NFATC3: variants seen among roughly 807,000 people sequenced by gnomAD.
NFATC3 encodes the protein nuclear factor of activated T cells 3, also known as nuclear factor of activated T-cells, cytoplasmic 3.
A neutral mutation model predicts 98.6 loss-of-function variants in NFATC3; 46 were observed. That is an observed-to-expected ratio of 0.47 (90% CI 0.37 to 0.60). The LOEUF is 0.60. NFATC3 is among the 20% of genes least tolerant of loss of function. The pLI, the probability that NFATC3 is intolerant of heterozygous loss-of-function variation, is 0.00. For synonymous variants in NFATC3, 512 were observed against 472.2 expected (o/e 1.08, Z -1.09); for missense variants, 1,256 against 1,295.5 (o/e 0.97, Z 0.47).
intron 9 of NFATC3, among the ~76,000 whole-genome samples, chr16:68,220,275 G>C (rs867575774): frequency 7.9e-5 from 12 of 152,158 alleles, no homozygotes; most frequent in African/African-American, 2.9e-4. Context: ...TGTAATCCCA[G>C]CATTTTGAGA....
At chr16:68,207,546 C>T (rs1204733854) in intron 9 of NFATC3, among the ~76,000 whole-genome samples, 6 of 152,180 alleles carry the variant, frequency 3.9e-5, no homozygotes, top group Admixed American at 6.5e-5. Context: ...TCACTGAAGT[C>T]TCTGCCTCCT....
At chr16:68,123,709 C>G (rs73612693) in intron 2 of NFATC3, among the ~76,000 whole-genome samples, 1,985 of 151,640 alleles carry the variant, frequency 0.013, 41 homozygotes, top group African/African-American at 0.045. Context: ...ACTAAGAAAA[C>G]TATTTGGGGG....
chr16:68,167,095 G>A lies in NFATC3; in HGVS notation c.1774+80G>A, dbSNP rs150528347. On this transcript the variant is annotated intron_variant, in intron 5 of 9. Coordinates refer to ENST00000346183, the MANE Select transcript of NFATC3 (RefSeq NM_173165.3). ...GTTTTACTTATAATGTAATGTATGC[G>A]TCTGAAGTGCAAACTGAGGCATACA... 6.0e-4 allele frequency: 847 copies of A among 1,417,430 alleles called. 6 individuals are homozygous for A. In the East Asian group the frequency reaches 0.015, roughly 25 times the overall value. 87.8% of individuals were successfully genotyped at this position (1,417,430 alleles called of 1,614,324 possible).
At chr16:68,167,849 T>TTTTTTTTTTTTTTTTTTTTTG (rs2039280290) in intron 5 of NFATC3, among the ~76,000 whole-genome samples, 1 of 126,980 alleles carries the variant, frequency 7.9e-6, no homozygotes, top group Non-Finnish European at 1.6e-5. Context: ...TTTTTTTTTT[T>TTTTTTTTTTTTTTTTTTTTTG]GAGACGGAGA....
intron 6 of NFATC3, among the ~76,000 whole-genome samples, chr16:68,178,182 T>C (rs1343593585): frequency 6.6e-6 from 1 of 152,220 alleles, no homozygotes; most frequent in Non-Finnish European, 1.5e-5. Flanking sequence ...TAACCTGAAA[T>C]TTAAAATACC....
intron 3 of NFATC3, among the ~76,000 whole-genome samples, chr16:68,154,531 A>G (rs1388952925): frequency 1.3e-5 from 2 of 152,168 alleles, no homozygotes; most frequent in Non-Finnish European, 2.9e-5. Context: ...AAGCTCCTGA[A>G]AGGGCAGGAA....
chr16:68,118,206 T>C (rs960314079), intron 1 of NFATC3, among the ~76,000 whole-genome samples: 1 of 152,206 alleles, frequency 6.6e-6, no homozygotes, highest in Non-Finnish European at 1.5e-5. Context: ...AGGTTTTAGC[T>C]TACATGCTAC....
intron 9 of NFATC3, among the ~76,000 whole-genome samples, chr16:68,196,222 A>G (rs576143105): frequency 1.1e-4 from 16 of 151,746 alleles, no homozygotes; most frequent in Non-Finnish European, 2.2e-4. Flanking sequence ...CAGGTTCAAG[A>G]GGTTCTCCTT....
chr16:68,195,141 G>T (rs1182288435), intron 9 of NFATC3, among the ~76,000 whole-genome samples: 2 of 151,748 alleles, frequency 1.3e-5, no homozygotes, highest in Non-Finnish European at 2.9e-5. Context: ...TGTAATCCCA[G>T]CTACTTGGGA....
intron 1 of NFATC3, 142 bp from the exon 2 acceptor site, chr16:68,121,845 G>A (rs919183336): frequency 3.2e-5 from 29 of 897,662 alleles, no homozygotes; most frequent in Non-Finnish European, 4.3e-5. Flanking sequence ...CTTCTTTAGT[G>A]GAGCTAATGA....
chr16:68,159,421 A>G (rs920388277), intron 4 of NFATC3, among the ~76,000 whole-genome samples: 1 of 110,458 alleles, frequency 9.1e-6, no homozygotes, highest in South Asian at 2.7e-4. Context: ...TTTTTTTTTT[A>G]TATTTTTATT....
At position 68,166,964 on chromosome 16, in the gene NFATC3, C is replaced by T. The variant is rs1320698874; in HGVS notation, c.1723C>T (p.Pro575Ser). The change falls in exon 5 of 10, where the codon CCC becomes TCC. Residue 575 changes from proline (P) to serine (S), a missense_variant. Transcript: ENST00000346183. ...TGTGTTTCGTGTACACATCCCACAGCCCAGTGGAAAAGTCCTTTCTCTGCA... is the reference window on the plus strand; with the variant it reads ...TGTGTTTCGTGTACACATCCCACAGTCCAGTGGAAAAGTCCTTTCTCTGCA... ...RLVFRVHIPQPSGKVLSLQIA... is the reference protein window; with the variant it reads ...RLVFRVHIPQSSGKVLSLQIA... 6.2e-7 allele frequency: 1 copy of T among 1,614,024 alleles called. No individual in the cohort carries two copies.
rs756267842 is a variant in NFATC3, at chr16:68,191,409, A to G, written c.2740A>G (p.Thr914Ala). The G allele has an allele frequency of 6.2e-7, 1 of 1,614,118 alleles. No individual in the cohort carries two copies. Among genetic ancestry groups the G allele is most frequent in the Non-Finnish European group, 8.5e-7 (1 of 1,180,004 alleles). Residue 914 changes from threonine (T) to alanine (A), a missense_variant, in exon 9 of 10, where the codon ACA (threonine) becomes GCA (alanine). Physicochemically the swap from Thr to Ala is moderately conservative, Grantham distance 58. Transcript: ENST00000346183. Reference protein sequence around the residue: ...GQPSSQLQPITYGPSHSGSAT... With the variant: ...GQPSSQLQPIAYGPSHSGSAT... ...GCCTTCGTCTCAGTTACAACCTATT[A>G]CATATGGTCCTTCACATTCAGGGTC...
At chr16:68,160,052 G>A (rs1295748394) in intron 4 of NFATC3, among the ~76,000 whole-genome samples, 6 of 151,748 alleles carry the variant, frequency 4.0e-5, no homozygotes, top group Non-Finnish European at 5.9e-5. Flanking sequence ...CATCAAGAGC[G>A]AAACTCCGAC....
intron 9 of NFATC3, among the ~76,000 whole-genome samples, chr16:68,215,722 CTTTTTTT>C (rs35024337): frequency 2.4e-4 from 23 of 96,038 alleles, no homozygotes; most frequent in Admixed American, 8.2e-4. Flanking sequence ...GAGATTTGCA[CTTTTTTT>C]TTTTTTTTTT....
chr16:68,152,795 A>T (rs1048117490), intron 3 of NFATC3, among the ~76,000 whole-genome samples: 2 of 152,228 alleles, frequency 1.3e-5, no homozygotes, highest in Non-Finnish European at 2.9e-5. Context: ...TGGAATTCCA[A>T]AGTAACCATC....
chr16:68,169,867 G>A (rs2039376477), intron 5 of NFATC3, among the ~76,000 whole-genome samples: 1 of 151,702 alleles, frequency 6.6e-6, no homozygotes, highest in African/African-American at 2.4e-5. Context: ...CTTGAACCCA[G>A]GAGGCGGAGG....
At chr16:68,163,784 T>C (rs1273606868) in intron 4 of NFATC3, among the ~76,000 whole-genome samples, 1 of 144,548 alleles carries the variant, frequency 6.9e-6, no homozygotes, top group Non-Finnish European at 1.5e-5. Flanking sequence ...GCAGAGGCGC[T>C]CCCCACATCT....
intron 1 of NFATC3, among the ~76,000 whole-genome samples, chr16:68,104,452 A>T (rs1006985892): frequency 1.3e-5 from 2 of 152,096 alleles, no homozygotes; most frequent in Admixed American, 1.3e-4. Context: ...ATATAGAATC[A>T]TGTCTTCTGC....
Sources: allele counts gnomAD v4.1 joint callset (sites outside exome capture counted in the v4.1 genomes callset), GRCh38; gene constraint gnomAD v4.1.1; transcripts MANE v1.5; gene names NCBI Gene and HGNC (gene_info 2026-07-23, HGNC 2026-07-21).